TMTC1: variants seen among roughly 807,000 people sequenced by gnomAD.
The protein encoded by TMTC1 is transmembrane O-mannosyltransferase targeting cadherins 1, also known as protein O-mannosyl-transferase TMTC1.
Under a neutral mutation model 104.8 loss-of-function variants are expected in TMTC1, and 73 were observed. The observed-to-expected ratio is 0.70, with a 90% CI of 0.58 to 0.85. The LOEUF (loss-of-function observed/expected upper bound fraction) is 0.85, where lower values mean the gene tolerates loss of function less well. Ranked by LOEUF, TMTC1 falls within the 40% of genes least tolerant of loss-of-function variation. TMTC1 has a pLI of 0.00. For missense variants in TMTC1, 1,035 were observed against 1,096.1 expected (o/e 0.94, Z 0.79); for synonymous variants, 434 against 428.7 (o/e 1.01, Z -0.15).
chr12:29,635,906 A>G (rs1938526931), intron 5 of TMTC1, among the ~76,000 whole-genome samples: 1 of 152,254 alleles, frequency 6.6e-6, no homozygotes, highest in Non-Finnish European at 1.5e-5. Context: ...AGACATATCA[A>G]GCAAAGCACA....
At chr12:29,729,957 T>C (rs1942502186) in intron 5 of TMTC1, among the ~76,000 whole-genome samples, 2 of 152,196 alleles carry the variant, frequency 1.3e-5, no homozygotes, top group Admixed American at 6.5e-5. Context: ...TTAAAACTTT[T>C]CCTCAACCCT....
chr12:29,740,521 T>C (rs1942797490), intron 5 of TMTC1, among the ~76,000 whole-genome samples: 1 of 152,234 alleles, frequency 6.6e-6, no homozygotes, highest in African/African-American at 2.4e-5. Context: ...CTGGCACTCC[T>C]TGCTCCTCAG....
chr12:29,716,794 T>C (rs1025190639), intron 5 of TMTC1, among the ~76,000 whole-genome samples: 1 of 152,180 alleles, frequency 6.6e-6, no homozygotes. Context: ...GGCAGGCAGA[T>C]CACGAGGTCA....
At position 29,755,796 on chromosome 12, in the gene TMTC1, G is replaced by C. The variant is rs767601505; in HGVS notation, c.644C>G (p.Ala215Gly). The change falls in exon 4 of 18, where the codon GCG becomes GGG. Residue 215 changes from alanine (A) to glycine (G), a missense_variant. Physicochemically the swap from Ala to Gly is moderately conservative, Grantham distance 60. Coordinates refer to ENST00000539277, the MANE Select transcript of TMTC1 (RefSeq NM_001193451.2). ...GATGCCTGTCTCTTTCACCAGCATC[G>C]CACAGGTCCCCAGAAACAAACTGAG... ...LLLSLFLGTC[A>G]MLVKETGITV... 14 of 1,614,050 alleles carry C rather than the reference G, an allele frequency of 8.7e-6. No individual in the cohort carries two copies. The Admixed American group carries it at 2.3e-4, about 27-fold the overall frequency.
chr12:29,691,350 C>T (rs959720057), intron 5 of TMTC1, among the ~76,000 whole-genome samples: 26 of 152,126 alleles, frequency 1.7e-4, no homozygotes, highest in African/African-American at 6.3e-4. Flanking sequence ...CCATCTCCAA[C>T]CCAACTAATC....
intron 1 of TMTC1, chr12:29,782,748 A>G (rs910277034): frequency 1.3e-5 from 2 of 152,342 alleles, no homozygotes; most frequent in South Asian, 4.1e-4. Flanking sequence ...CCGAGGTTGT[A>G]AAAGAAAAAC....
In TMTC1 at chr12:29,590,582, T is replaced by G. The variant is rs180874993; in HGVS notation, c.1251-7008A>C. The stretch of plus-strand genomic sequence containing the variant: ...CGGGCAGATCAGGAGGTCGGGAGTT[T>G]GAGACCAGCCTGATCAACATGGTGA... On this transcript the variant is annotated intron_variant, in intron 7 of 17. Transcript: ENST00000539277. Among the ~76,000 whole-genome samples, 111 of 152,246 alleles carry G rather than the reference T, an allele frequency of 7.3e-4. 4 individuals are homozygous for G. The highest frequency in any genetic ancestry group is 6.8e-3 in the Middle Eastern group (2 of 294).
At chr12:29,620,511 T>C (rs181043939) in intron 6 of TMTC1, among the ~76,000 whole-genome samples, 1 of 152,328 alleles carries the variant, frequency 6.6e-6, no homozygotes, top group East Asian at 1.9e-4. Flanking sequence ...CGAATGACAA[T>C]CATAAGTCTG....
chr12:29,697,155 A>G (rs1230838744), intron 5 of TMTC1, among the ~76,000 whole-genome samples: 1 of 152,208 alleles, frequency 6.6e-6, no homozygotes, highest in Non-Finnish European at 1.5e-5. Context: ...GAAAAAAATG[A>G]AAAGAACCAA....
intron 10 of TMTC1, among the ~76,000 whole-genome samples, chr12:29,538,266 T>C (rs1944699828): frequency 6.6e-6 from 1 of 152,360 alleles, no homozygotes; most frequent in East Asian, 1.9e-4. Flanking sequence ...TACGTTTACA[T>C]ACACTCAAGT....
At chr12:29,633,519 A>G (rs537357218) in intron 5 of TMTC1, among the ~76,000 whole-genome samples, 183 bp from the exon 6 acceptor site, 1 of 152,218 alleles carries the variant, frequency 6.6e-6, no homozygotes, top group African/African-American at 2.4e-5. Context: ...TTTGGGATAT[A>G]TCTAATAGGT....
intron 2 of TMTC1, among the ~76,000 whole-genome samples, chr12:29,760,845 AATT>A (rs2120382953): frequency 6.7e-6 from 1 of 149,370 alleles, no homozygotes; most frequent in African/African-American, 2.4e-5. Flanking sequence ...CATTATAATC[AATT>A]ATAATACTGT....
At chr12:29,509,403 C>A (rs73280550) in intron 17 of TMTC1, among the ~76,000 whole-genome samples, 8,417 of 152,314 alleles carry the variant, frequency 0.055, 267 homozygotes, top group East Asian at 0.088. Flanking sequence ...CTTTCTGCAA[C>A]CTCCTTGCAA....
chr12:29,569,454 C>CTT (rs1197638184), intron 9 of TMTC1, among the ~76,000 whole-genome samples: 1 of 152,166 alleles, frequency 6.6e-6, no homozygotes, highest in Admixed American at 6.5e-5. Context: ...TAATCACTCT[C>CTT]TTTCTTGCTG....
At chr12:29,648,738 A>G (rs1939384497) in intron 5 of TMTC1, among the ~76,000 whole-genome samples, 1 of 152,260 alleles carries the variant, frequency 6.6e-6, no homozygotes, top group Non-Finnish European at 1.5e-5. Flanking sequence ...AGCTACATTA[A>G]AAAGAATAAA....
intron 5 of TMTC1, among the ~76,000 whole-genome samples, chr12:29,680,560 C>T (rs919033134): frequency 6.6e-5 from 10 of 152,180 alleles, no homozygotes; most frequent in African/African-American, 2.4e-4. Context: ...AACTACGTTA[C>T]AGTCAATATT....
chr12:29,544,360 C>A (rs1181138568), intron 10 of TMTC1, among the ~76,000 whole-genome samples: 7 of 152,120 alleles, frequency 4.6e-5, no homozygotes, highest in Admixed American at 3.9e-4. Context: ...TCCCACCCCC[C>A]ATCCTACCCT....
chr12:29,705,269 TAGTCATC>T (rs1349527209), intron 5 of TMTC1, among the ~76,000 whole-genome samples: 1 of 152,254 alleles, frequency 6.6e-6, no homozygotes, highest in African/African-American at 2.4e-5. Context: ...AACTCTTCTC[TAGTCATC>T]AGTTTCTAGT....
At chr12:29,660,926 A>G in intron 5 of TMTC1, 25 of 1,231,032 alleles carry the variant, frequency 2.0e-5, no homozygotes, top group Non-Finnish European at 2.7e-5. Flanking sequence ...AAGTGTGTCT[A>G]CCAGACACAA....
Sources: allele counts gnomAD v4.1 joint callset (sites outside exome capture counted in the v4.1 genomes callset), GRCh38; gene constraint gnomAD v4.1.1; transcripts MANE v1.5; gene names NCBI Gene and HGNC (gene_info 2026-07-23, HGNC 2026-07-21).